The following FGF13 variants were observed in gnomAD, a reference collection of about 807,000 sequenced individuals.
The protein encoded by FGF13 is fibroblast growth factor homologous factor 2.
Under a neutral mutation model 19.5 loss-of-function variants are expected in FGF13, and 2 were observed. That is an observed-to-expected ratio of 0.10 (90% CI 0.04 to 0.32). The LOEUF (loss-of-function observed/expected upper bound fraction) is 0.32. FGF13 is among the 10% of genes least tolerant of loss of function. The pLI is 1.00. For missense variants in FGF13, 113 were observed against 192.7 expected (o/e 0.59, Z 2.45); for synonymous variants, 72 against 76.9 (o/e 0.94, Z 0.33).
intron 1 of FGF13, among the ~76,000 whole-genome samples, chrX:138,867,833 C>CT (rs1556269063): frequency 0.079 from 7,789 of 98,889 alleles, 340 homozygotes; most frequent in East Asian, 0.17. Flanking sequence ...ATCTATCTAT[C>CT]ATCTATCTAT....
chrX:138,741,057 C>A (rs754080211), upstream of FGF13, among the ~76,000 whole-genome samples: 1 of 112,334 alleles, frequency 8.9e-6, no homozygotes, highest in African/African-American at 3.2e-5. Flanking sequence ...TGTTTGCAAA[C>A]CAAAATGGCT....
intron 1 of FGF13, among the ~76,000 whole-genome samples, chrX:138,980,468 C>T (rs17001897): frequency 0.011 from 1,178 of 111,856 alleles, 23 homozygotes; most frequent in African/African-American, 0.036. Flanking sequence ...TTGTCTTTAC[C>T]ATGAGGACTT....
chrX:138,973,019 T>G (rs1412508894), intron 1 of FGF13, among the ~76,000 whole-genome samples: 2 of 111,868 alleles, frequency 1.8e-5, no homozygotes, highest in African/African-American at 6.5e-5. Context: ...AGTTTTGCTT[T>G]GATATTTAGT....
At chrX:138,722,691 G>T (rs1011875230) in intron 1 of FGF13, among the ~76,000 whole-genome samples, 1 of 111,073 alleles carries the variant, frequency 9.0e-6, no homozygotes, top group Admixed American at 9.7e-5. Context: ...TACTGAAATT[G>T]AAAATGATAA....
chrX:138,736,574 A>G (rs2090276285), intron 1 of FGF13, among the ~76,000 whole-genome samples: 1 of 110,536 alleles, frequency 9.0e-6, no homozygotes, highest in African/African-American at 3.3e-5. Context: ...GGAATGAGTG[A>G]TCTATAGAAC....
At chrX:138,979,505 G>A (rs2091954776) in intron 1 of FGF13, among the ~76,000 whole-genome samples, 1 of 110,098 alleles carries the variant, frequency 9.1e-6, no homozygotes, top group Non-Finnish European at 1.9e-5. Flanking sequence ...GAGTAGCCTG[G>A]TATATCTTCC....
chrX:138,879,895 C>T (rs1478061097), intron 1 of FGF13, among the ~76,000 whole-genome samples: 2 of 111,552 alleles, frequency 1.8e-5, no homozygotes, highest in African/African-American at 6.5e-5. Flanking sequence ...GAACAGGCAA[C>T]CTACGGAATG....
At chrX:138,861,856 A>T (rs778823727) in intron 2 of FGF13, among the ~76,000 whole-genome samples, 1 of 111,149 alleles carries the variant, frequency 9.0e-6, no homozygotes, top group East Asian at 2.8e-4. Flanking sequence ...TACAAAAATT[A>T]GCCAGGCATG....
chrX:138,775,499 C>T (rs1221961939), intron 3 of FGF13, among the ~76,000 whole-genome samples: 3 of 111,776 alleles, frequency 2.7e-5, no homozygotes, highest in Admixed American at 9.5e-5. Flanking sequence ...ATGGACAGTG[C>T]GTCAAACATT....
intron 1 of FGF13, among the ~76,000 whole-genome samples, chrX:138,944,222 A>T (rs1280660437): frequency 1.2e-4 from 13 of 111,263 alleles, no homozygotes; most frequent in Non-Finnish European, 3.8e-5. Flanking sequence ...TGCTTTTTAA[A>T]TCTGATTCCC....
At chrX:139,057,738 T>C (rs2124419164) in intron 1 of FGF13, among the ~76,000 whole-genome samples, 1 of 112,358 alleles carries the variant, frequency 8.9e-6, no homozygotes, top group South Asian at 3.7e-4. Flanking sequence ...TGTCACAACA[T>C]GGATGAGCCT....
chrX:138,740,040 T>C (rs1332038748), upstream of FGF13, among the ~76,000 whole-genome samples: 1 of 112,243 alleles, frequency 8.9e-6, no homozygotes, highest in East Asian at 2.8e-4. Flanking sequence ...AGTGTTAATA[T>C]AGGAATCAAA....
At chrX:138,778,470 G>C (rs985499524) in intron 3 of FGF13, among the ~76,000 whole-genome samples, 2 of 112,144 alleles carry the variant, frequency 1.8e-5, no homozygotes, top group Non-Finnish European at 3.8e-5. Context: ...CACCGTGCGC[G>C]AGCCGAAGCA....
rs763033482 is a variant in FGF13, at chrX:139,115,300, T to C, written c.-113+88116A>G. 4.4e-5 allele frequency among the ~76,000 whole-genome samples: 5 copies of C among 112,446 alleles called. No individual in the cohort carries two copies. The Admixed American group carries it at 4.7e-4, about 11-fold the overall frequency. On this transcript the variant is annotated intron_variant, in intron 1 of 2. Coordinates refer to the FGF13 transcript ENST00000421460. Reference sequence around the variant, plus strand: ...TCTTTCTTACTAACAAAGCTCCCATTTTATTCAGTGTGACTACATATCTGG... The same window carrying C: ...TCTTTCTTACTAACAAAGCTCCCATCTTATTCAGTGTGACTACATATCTGG...
At chrX:139,071,013 A>G (rs2092374899) in intron 1 of FGF13, among the ~76,000 whole-genome samples, 1 of 102,257 alleles carries the variant, frequency 9.8e-6, no homozygotes, top group South Asian at 3.9e-4. Flanking sequence ...TAGCATTAGG[A>G]GAACTACCCA....
chrX:138,806,234 C>T, intron 3 of FGF13: 1 of 111,564 alleles, frequency 9.0e-6, no homozygotes, highest in South Asian at 3.8e-4. Context: ...GTTTCAGAAG[C>T]AGCCAACAAT....
intron 1 of FGF13, among the ~76,000 whole-genome samples, chrX:139,184,631 C>CACACACACACAT (rs1458540540): frequency 1.8e-5 from 2 of 110,627 alleles, no homozygotes; most frequent in Admixed American, 9.6e-5. Context: ...TATGTCCCTA[C>CACACACACACAT]ACACACACAC....
At chrX:138,984,586 A>G (rs1444824909) in intron 1 of FGF13, among the ~76,000 whole-genome samples, 2 of 43,064 alleles carry the variant, frequency 4.6e-5, no homozygotes, top group African/African-American at 1.8e-4. Flanking sequence ...AAGAAGAAGA[A>G]GAAGGAGGAG....
chrX:138,934,672 G>C (rs899670139), intron 1 of FGF13, among the ~76,000 whole-genome samples: 1 of 112,311 alleles, frequency 8.9e-6, no homozygotes, highest in Middle Eastern at 4.2e-3. Flanking sequence ...TAGTAGGTTG[G>C]AAATCAAAAC....
Sources: gnomAD v4.1 joint callset for allele counts (sites outside exome capture counted in the v4.1 genomes callset) on GRCh38, gnomAD v4.1.1 for gene constraint, MANE v1.5 for transcripts, NCBI Gene and HGNC (gene_info 2026-07-23, HGNC 2026-07-21) for gene names.